Variants in RGS3 observed in about 807,000 individuals in gnomAD.
RGS3 encodes regulator of G-protein signalling 3.
RGS3 carries 80 observed loss-of-function variants against 132.6 expected under a neutral mutation model. That is an observed-to-expected ratio of 0.60 (90% confidence interval 0.50 to 0.73). The LOEUF (loss-of-function observed/expected upper bound fraction) is 0.73. Ranked by LOEUF, RGS3 falls within the 30% of genes least tolerant of loss-of-function variation. RGS3 has a pLI of 0.00. For missense variants in RGS3, 1,382 were observed against 1,530.8 expected (o/e 0.90, Z 1.62); for synonymous variants, 598 against 620.6 (o/e 0.96, Z 0.54).
At chr9:113,514,153 C>T (rs1180301653) in intron 14 of RGS3, among the ~76,000 whole-genome samples, 2 of 152,128 alleles carry the variant, frequency 1.3e-5, no homozygotes, top group Non-Finnish European at 2.9e-5. Context: ...AATTCTGATC[C>T]GGGGCCTGGG....
chr9:113,596,178 T>G (rs938417551), intron 24 of RGS3, among the ~76,000 whole-genome samples: 1 of 152,052 alleles, frequency 6.6e-6, no homozygotes, highest in Non-Finnish European at 1.5e-5. Flanking sequence ...CTACTAAAAT[T>G]ACAAAATTAG....
At chr9:113,581,028 GGGTCGGGGGGA>G in intron 19 of RGS3, 1 of 947,328 alleles carries the variant, frequency 1.1e-6, no homozygotes, top group Non-Finnish European at 1.3e-6. Context: ...GCCAGGGGGT[GGGTCGGGGGGA>G]GGTCTGGCCA....
chr9:113,444,954 C>A (rs1829071573), intron 1 of RGS3: 1 of 152,190 alleles, frequency 6.6e-6, no homozygotes, highest in Admixed American at 6.5e-5. Flanking sequence ...GCCATTTCCC[C>A]ACCATCTGGG....
At chr9:113,547,012 T>C (rs1464559292) in intron 19 of RGS3, among the ~76,000 whole-genome samples, 1 of 152,192 alleles carries the variant, frequency 6.6e-6, no homozygotes, top group Non-Finnish European at 1.5e-5. Context: ...GATTCCAGAA[T>C]ATCAGGATAT....
chr9:113,497,726 C>G (rs1053148634), intron 9 of RGS3, among the ~76,000 whole-genome samples: 3 of 152,210 alleles, frequency 2.0e-5, no homozygotes, highest in Non-Finnish European at 2.9e-5. Flanking sequence ...ATCCCCCAGG[C>G]TGCCTTGCTC....
chr9:113,565,005 C>T lies in RGS3; in HGVS notation c.2038-18445C>T, dbSNP rs1027877479. Reference sequence around the variant, plus strand: ...CGGCTGGAGGCGGCTTTGCGCTGCCCCAGCCTGGGAGCCCTCAGGATGTGT... The same window carrying T: ...CGGCTGGAGGCGGCTTTGCGCTGCCTCAGCCTGGGAGCCCTCAGGATGTGT... On this transcript the variant is annotated intron_variant, in intron 19 of 24. Transcript: ENST00000350696. The surrounding 1 kb of genome is among the most constrained non-coding windows in gnomAD (Gnocchi z 5.7). The T allele has an allele frequency of 4.8e-6, 5 of 1,031,426 alleles. No homozygotes were observed. The highest frequency in any genetic ancestry group is 3.2e-5 in the South Asian group (1 of 31,486). 63.9% of individuals were successfully genotyped at this position (1,031,426 alleles called of 1,614,324 possible).
chr9:113,591,038 C>A lies in RGS3; in HGVS notation c.3016-295C>A, dbSNP rs1835393962. 6.6e-6 allele frequency among the ~76,000 whole-genome samples: 1 copy of A among 152,264 alleles called. No individual in the cohort carries two copies. Among genetic ancestry groups the A allele is most frequent in the African/African-American group, 2.4e-5 (1 of 41,478 alleles). The stretch of plus-strand genomic sequence containing the variant: ...GCCCTGCCCTCTCACCTGCTCACTG[C>A]CTGCAATGAAGCCTCTGTCCTGAGT... On this transcript the variant is annotated intron_variant, in intron 20 of 24. Coordinates refer to ENST00000350696, the Ensembl canonical transcript of RGS3. The surrounding 1 kb of genome is among the most constrained non-coding windows in gnomAD (Gnocchi z 4.4).
At chr9:113,584,908 G>T (rs1016559623) in intron 20 of RGS3, among the ~76,000 whole-genome samples, 2 of 152,190 alleles carry the variant, frequency 1.3e-5, no homozygotes, top group African/African-American at 4.8e-5. Context: ...CCATTTTACA[G>T]CAGAGGAAAC....
At chr9:113,532,785 C>T (rs1218537616) in intron 18 of RGS3, among the ~76,000 whole-genome samples, 2 of 152,170 alleles carry the variant, frequency 1.3e-5, no homozygotes, top group Admixed American at 6.5e-5. Flanking sequence ...GAGAGGCCCT[C>T]CCAGGATGGG....
chr9:113,466,251 C>G (rs190147594), intron 3 of RGS3, among the ~76,000 whole-genome samples: 1 of 152,304 alleles, frequency 6.6e-6, no homozygotes, highest in Non-Finnish European at 1.5e-5. Flanking sequence ...AGTTCACTGG[C>G]CTTTCCTTAG....
intron 14 of RGS3, among the ~76,000 whole-genome samples, chr9:113,510,205 G>A (rs1274195135): frequency 6.6e-6 from 1 of 152,058 alleles, no homozygotes; most frequent in Non-Finnish European, 1.5e-5. Flanking sequence ...TTCCATTCCT[G>A]AGTTACTTCA....
intron 7 of RGS3, among the ~76,000 whole-genome samples, chr9:113,494,796 G>T (rs1427512531): frequency 6.6e-6 from 1 of 152,138 alleles, no homozygotes; most frequent in Non-Finnish European, 1.5e-5. Context: ...ATTAAAAGCT[G>T]CCAACTCTTA....
chr9:113,499,502 G>T (rs1387773801), intron 10 of RGS3, among the ~76,000 whole-genome samples: 2 of 152,236 alleles, frequency 1.3e-5, no homozygotes, highest in African/African-American at 4.8e-5. Context: ...GGGAATATAA[G>T]ACATTGCTGT....
In RGS3 at chr9:113,487,100, CTT is replaced by C. The variant is rs60523804; in HGVS notation, c.689+1428_689+1429del. On this transcript the variant is annotated intron_variant, in intron 7 of 24. Transcript: ENST00000350696. ...TAACAGTGCATTGTCTCATTTAATT[CTT>C]TTTTTTTTTTTTTTTTTTTTGAGAC... Among the ~76,000 whole-genome samples, 209 of 116,944 alleles carry C rather than the reference CTT, an allele frequency of 1.8e-3. 1 individual carries two copies. Among genetic ancestry groups the C allele is most frequent in the Non-Finnish European group, 3.2e-3 (176 of 55,830 alleles). 76.7% of individuals were successfully genotyped at this position (116,944 alleles called of 152,430 possible).
chr9:113,459,367 A>G (rs1192713726), upstream of RGS3, among the ~76,000 whole-genome samples: 1 of 152,076 alleles, frequency 6.6e-6, no homozygotes, highest in Non-Finnish European at 1.5e-5. Context: ...CTTTTTATCA[A>G]TTTTACTAAT....
chr9:113,464,767 A>C (rs1162267150), intron 3 of RGS3, among the ~76,000 whole-genome samples: 1 of 152,168 alleles, frequency 6.6e-6, no homozygotes, highest in Non-Finnish European at 1.5e-5. Context: ...TTCCTTCTAA[A>C]GGTTGGGGCT....
intron 19 of RGS3, among the ~76,000 whole-genome samples, chr9:113,567,388 C>T (rs1834061875): frequency 6.6e-6 from 1 of 152,228 alleles, no homozygotes; most frequent in Non-Finnish European, 1.5e-5. Flanking sequence ...TCCTTAGTCG[C>T]AAGGACCTGG....
chr9:113,528,260 G>A (rs1832304780), intron 17 of RGS3, among the ~76,000 whole-genome samples: 1 of 152,186 alleles, frequency 6.6e-6, no homozygotes, highest in African/African-American at 2.4e-5. Context: ...CACGGTCACA[G>A]GGAGTAACCA....
At chr9:113,465,551 A>G (rs1226708866) in intron 3 of RGS3, among the ~76,000 whole-genome samples, 2 of 151,812 alleles carry the variant, frequency 1.3e-5, no homozygotes, top group Non-Finnish European at 2.9e-5. Context: ...TTTGTAACCC[A>G]TATGTTTTCC....
Sources: gnomAD v4.1 joint callset for allele counts (sites outside exome capture counted in the v4.1 genomes callset) on GRCh38, gnomAD v4.1.1 for gene constraint, Gnocchi (gnomAD v3.1) non-coding constraint, MANE v1.5 for transcripts, NCBI Gene and HGNC (gene_info 2026-07-23, HGNC 2026-07-21) for gene names.